The following NXPH1 variants were observed in gnomAD, a reference collection of about 807,000 sequenced individuals.
The protein encoded by NXPH1 is neurexophilin-1.
NXPH1 carries 5 observed loss-of-function variants against 23.7 expected under a neutral mutation model. The observed-to-expected ratio is 0.21, with a 90% CI of 0.11 to 0.44. NXPH1 has a LOEUF of 0.44. NXPH1 is among the 20% of genes least tolerant of loss of function. NXPH1 has a pLI of 0.99. For synonymous variants in NXPH1, 144 were observed against 122.2 expected, an observed-to-expected ratio of 1.18 and a Z score of -1.18; for missense variants, 324 against 321.6, an observed-to-expected ratio of 1.01 and a Z score of -0.06.
At chr7:8,664,484 T>C (rs1244349013) in intron 2 of NXPH1, among the ~76,000 whole-genome samples, 2 of 152,074 alleles carry the variant, frequency 1.3e-5, no homozygotes, top group Non-Finnish European at 2.9e-5. Flanking sequence ...AAAAGTGATA[T>C]CTATTTACTG....
At chr7:8,445,549 T>C (rs925498678) in intron 2 of NXPH1, among the ~76,000 whole-genome samples, 3 of 152,114 alleles carry the variant, frequency 2.0e-5, no homozygotes, top group African/African-American at 4.8e-5. Context: ...TTTAATACAA[T>C]TGAAAACCGC....
intron 2 of NXPH1, among the ~76,000 whole-genome samples, chr7:8,437,626 G>C (rs973796543): frequency 6.6e-6 from 1 of 152,182 alleles, no homozygotes; most frequent in Non-Finnish European, 1.5e-5. Context: ...TCAATACTTT[G>C]TGTTAAATTT....
intron 2 of NXPH1, among the ~76,000 whole-genome samples, chr7:8,693,139 G>C (rs1008890656): frequency 1.3e-5 from 2 of 152,040 alleles, no homozygotes; most frequent in Non-Finnish European, 2.9e-5. Context: ...TTCTCCATTT[G>C]CTTCAAAAAC....
intron 2 of NXPH1, among the ~76,000 whole-genome samples, chr7:8,595,737 G>A (rs550638029): frequency 1.2e-4 from 19 of 152,054 alleles, no homozygotes; most frequent in African/African-American, 3.9e-4. Context: ...GTCTGTGTGC[G>A]TGTGCATGTG....
At chr7:8,547,753 T>C (rs1818219112) in intron 2 of NXPH1, among the ~76,000 whole-genome samples, 1 of 151,528 alleles carries the variant, frequency 6.6e-6, no homozygotes, top group Admixed American at 6.6e-5. Context: ...TATGTGGTAT[T>C]TGATTTTATG....
intron 2 of NXPH1, among the ~76,000 whole-genome samples, chr7:8,735,646 C>T (rs1003964437): frequency 4.6e-5 from 7 of 152,104 alleles, no homozygotes; most frequent in Admixed American, 2.6e-4. Flanking sequence ...ATGATGCTGG[C>T]CTCATAAAAT....
intron 2 of NXPH1, among the ~76,000 whole-genome samples, chr7:8,644,272 T>A (rs1165400013): frequency 1.3e-5 from 2 of 152,198 alleles, no homozygotes; most frequent in Non-Finnish European, 2.9e-5. Flanking sequence ...GGGCCAACAC[T>A]GACACAGCAG....
rs182172069 is a variant in NXPH1, at chr7:8,514,776, G to A, written c.54+79009G>A. Among the ~76,000 whole-genome samples the A allele has an allele frequency of 1.9e-3, 285 of 152,104 alleles. 2 individuals are homozygous for A. The highest frequency in any genetic ancestry group is 6.4e-3 in the African/African-American group (266 of 41,526). On this transcript the variant is annotated intron_variant, in intron 2 of 2. Transcript: ENST00000405863. ...TGCATGCTATTCTTTTTCACCAAGC[G>A]GATGTCCATCTCCACTCCACTTCCT...
chr7:8,646,770 C>A (rs573558417), intron 2 of NXPH1, among the ~76,000 whole-genome samples: 5 of 151,942 alleles, frequency 3.3e-5, no homozygotes, highest in African/African-American at 9.6e-5. Flanking sequence ...CCCAAACAGT[C>A]CCTCTATAAT....
At chr7:8,668,821 T>C (rs542987431) in intron 2 of NXPH1, among the ~76,000 whole-genome samples, 39 of 152,084 alleles carry the variant, frequency 2.6e-4, no homozygotes, top group Non-Finnish European at 4.0e-4. Flanking sequence ...GGAGCCTGGG[T>C]CTGCAGGGGT....
intron 2 of NXPH1, among the ~76,000 whole-genome samples, chr7:8,569,570 G>A (rs1409723118): frequency 6.6e-6 from 1 of 151,824 alleles, no homozygotes; most frequent in African/African-American, 2.4e-5. Context: ...GGGAGGGCAG[G>A]AGCAGTCATG....
chr7:8,608,423 G>A (rs1819547650), intron 2 of NXPH1, among the ~76,000 whole-genome samples: 1 of 151,756 alleles, frequency 6.6e-6, no homozygotes, highest in South Asian at 2.1e-4. Flanking sequence ...AGCCTCCTGG[G>A]CTCAAGCAAG....
At chr7:8,509,578 C>G (rs766215494) in intron 2 of NXPH1, among the ~76,000 whole-genome samples, 21 of 152,038 alleles carry the variant, frequency 1.4e-4, no homozygotes, top group Non-Finnish European at 3.1e-4. Flanking sequence ...TTGTATTCCC[C>G]CTTCTTTTTC....
intron 2 of NXPH1, among the ~76,000 whole-genome samples, chr7:8,449,415 A>G (rs547754899): frequency 2.0e-5 from 3 of 152,330 alleles, no homozygotes; most frequent in East Asian, 1.9e-4. Flanking sequence ...ATTTCTGTTT[A>G]TATTTTGAGG....
Position 8,599,237 on chromosome 7 carries a change from T to C in NXPH1, c.55-151771T>C, listed in dbSNP as rs113131654. 6.1e-3 allele frequency among the ~76,000 whole-genome samples: 932 copies of C among 152,132 alleles called. 12 individuals carry two copies. Among genetic ancestry groups the C allele is most frequent in the African/African-American group, 0.021 (870 of 41,510 alleles). On this transcript the variant is annotated intron_variant, in intron 2 of 2. Transcript: ENST00000405863. ...AGCTGAGCCTTAGGAGTGAGAAGGATAGTTATAGGTGGCATGGGATTGGTT... is the reference window on the plus strand; with the variant it reads ...AGCTGAGCCTTAGGAGTGAGAAGGACAGTTATAGGTGGCATGGGATTGGTT...
intron 2 of NXPH1, among the ~76,000 whole-genome samples, chr7:8,731,318 T>C (rs1780149569): frequency 6.6e-6 from 1 of 152,224 alleles, no homozygotes; most frequent in Admixed American, 6.5e-5. Flanking sequence ...AATTTGATCG[T>C]CTGAAGCCTT....
chr7:8,527,351 G>A (rs1563336393), intron 2 of NXPH1, among the ~76,000 whole-genome samples: 3 of 152,272 alleles, frequency 2.0e-5, no homozygotes, highest in Middle Eastern at 6.8e-3. Context: ...AGGCAGAAGG[G>A]GGCACTCAGT....
chr7:8,532,489 C>T (rs1817963576), intron 2 of NXPH1, among the ~76,000 whole-genome samples: 1 of 149,192 alleles, frequency 6.7e-6, no homozygotes, highest in African/African-American at 2.5e-5. Flanking sequence ...GAGGGGGCTG[C>T]TTTTTACAGG....
At chr7:8,701,648 A>C (rs1035959000) in intron 2 of NXPH1, among the ~76,000 whole-genome samples, 3 of 152,006 alleles carry the variant, frequency 2.0e-5, no homozygotes, top group African/African-American at 7.2e-5. Flanking sequence ...GTGTTCTCCC[A>C]CTGAATTTCT....
Sources: allele counts gnomAD v4.1 joint callset (sites outside exome capture counted in the v4.1 genomes callset), GRCh38; gene constraint gnomAD v4.1.1; transcripts MANE v1.5; gene names NCBI Gene and HGNC (gene_info 2026-07-23, HGNC 2026-07-21).